The following TENM3 variants were observed in gnomAD, a reference collection of about 807,000 sequenced individuals.
The protein encoded by TENM3 is teneurin transmembrane protein 3.
Under a neutral mutation model 255.1 loss-of-function variants are expected in TENM3, and 63 were observed. That is an observed-to-expected ratio of 0.25 (90% CI 0.20 to 0.30). The LOEUF (loss-of-function observed/expected upper bound fraction) is 0.30, where lower values mean the gene tolerates loss of function less well. Ranked by LOEUF, TENM3 falls within the 10% of genes least tolerant of loss-of-function variation. TENM3 has a pLI of 1.00. For missense variants in TENM3, 2,929 were observed against 3,461.1 expected (o/e 0.85, Z 3.86); for synonymous variants, 1,306 against 1,322.3 (o/e 0.99, Z 0.27).
intron 3 of TENM3, among the ~76,000 whole-genome samples, chr4:182,470,563 C>T (rs1387365278): frequency 6.6e-6 from 1 of 152,090 alleles, no homozygotes; most frequent in Non-Finnish European, 1.5e-5. Context: ...TTAATGGCTG[C>T]TAAGAGAAGA....
intron 2 of TENM3, 21 bp from the exon 3 acceptor site, chr4:182,346,630 T>C (rs1235798970): frequency 3.1e-6 from 5 of 1,607,090 alleles, no homozygotes; most frequent in East Asian, 2.2e-5. Flanking sequence ...CTAGTTGTTA[T>C]CTTTTTTTCC....
Position 182,398,656 on chromosome 4 carries a change from C to T in TENM3, c.511+51727C>T, listed in dbSNP as rs77674566. Among the ~76,000 whole-genome samples the T allele has an allele frequency of 1.6e-4, 25 of 152,226 alleles. 1 individual carries two copies. The East Asian group carries it at 4.8e-3, about 29-fold the overall frequency. ...GCAGTGACTTGAAACAGGGGTGTTA[C>T]AGGCATGGAACGTGGAGGAAAGGCA... On this transcript the variant is annotated intron_variant, in intron 3 of 27. Coordinates refer to ENST00000511685, the MANE Select transcript of TENM3 (RefSeq NM_001080477.4).
chr4:181,683,696 A>C, the TENM3 span, among the ~76,000 whole-genome samples: 1 of 152,172 alleles, frequency 6.6e-6, no homozygotes, highest in East Asian at 1.9e-4. Context: ...AGGAGAGGCG[A>C]AGAGGGTATG....
At chr4:182,526,154 G>T (rs560823710) in intron 3 of TENM3, among the ~76,000 whole-genome samples, 1 of 152,188 alleles carries the variant, frequency 6.6e-6, no homozygotes, top group African/African-American at 2.4e-5. Flanking sequence ...TGATTTTTTT[G>T]TATTTTTAGT....
chr4:182,649,264 C>A (rs1426626751), intron 5 of TENM3, among the ~76,000 whole-genome samples: 1 of 150,414 alleles, frequency 6.6e-6, no homozygotes, highest in Non-Finnish European at 1.5e-5. Context: ...TGGACAACTT[C>A]TTATTATATT....
At chr4:181,612,884 A>G in the TENM3 span, among the ~76,000 whole-genome samples, 4 of 152,212 alleles carry the variant, frequency 2.6e-5, no homozygotes, top group South Asian at 2.1e-4. Context: ...CTATTTTCAT[A>G]CCAATTTGAG....
At chr4:181,970,393 A>G in the TENM3 span, among the ~76,000 whole-genome samples, 2 of 152,158 alleles carry the variant, frequency 1.3e-5, no homozygotes, top group African/African-American at 4.8e-5. Context: ...ATCATTGCCG[A>G]CCTTAGGATT....
chr4:182,252,120 T>A (rs2150120702), intron 1 of TENM3, among the ~76,000 whole-genome samples: 1 of 151,894 alleles, frequency 6.6e-6, no homozygotes, highest in South Asian at 2.1e-4. Context: ...GAGGTGGAGG[T>A]TGCAGTGAGT....
the TENM3 span, among the ~76,000 whole-genome samples, chr4:181,559,870 C>G: frequency 1.3e-5 from 2 of 152,170 alleles, no homozygotes; most frequent in Admixed American, 1.3e-4. Context: ...CATTGAGAAA[C>G]CACAGGCTTC....
At chr4:181,877,891 G>A in the TENM3 span, among the ~76,000 whole-genome samples, 2 of 152,316 alleles carry the variant, frequency 1.3e-5, no homozygotes, top group South Asian at 4.1e-4. Context: ...GATATGGATT[G>A]CCCAGACTAA....
the TENM3 span, among the ~76,000 whole-genome samples, chr4:181,551,346 C>T: frequency 6.6e-6 from 1 of 152,096 alleles, no homozygotes; most frequent in Non-Finnish European, 1.5e-5. Context: ...GAAATAAATG[C>T]ACAATTTGAG....
At chr4:182,711,940 A>T (rs1758776847) in intron 12 of TENM3, among the ~76,000 whole-genome samples, 1 of 152,084 alleles carries the variant, frequency 6.6e-6, no homozygotes, top group Admixed American at 6.6e-5. Context: ...ATTCAGCTTA[A>T]TGAGCTTTAA....
chr4:181,696,506 A>G, the TENM3 span, among the ~76,000 whole-genome samples: 2 of 152,224 alleles, frequency 1.3e-5, no homozygotes, highest in East Asian at 1.9e-4. Context: ...CTTTAATAGC[A>G]CCGCAGATTT....
chr4:181,775,130 G>A, the TENM3 span, among the ~76,000 whole-genome samples: 7 of 152,032 alleles, frequency 4.6e-5, no homozygotes, highest in Non-Finnish European at 7.4e-5. Context: ...GAAAGAGGCC[G>A]GGGCAGAGTC....
chr4:182,790,198 ATTCT>A (rs1278504193), intron 25 of TENM3, among the ~76,000 whole-genome samples: 5 of 152,302 alleles, frequency 3.3e-5, no homozygotes. Flanking sequence ...CTAGAAAATG[ATTCT>A]GTTTTGAGTT....
chr4:182,222,659 C>T (rs1485818720), intron 1 of TENM3, among the ~76,000 whole-genome samples: 1 of 152,182 alleles, frequency 6.6e-6, no homozygotes, highest in African/African-American at 2.4e-5. Context: ...GCTGGCTTTC[C>T]ATTTCAGGGC....
At chr4:181,854,856 C>T in the TENM3 span, among the ~76,000 whole-genome samples, 11 of 152,202 alleles carry the variant, frequency 7.2e-5, no homozygotes, top group South Asian at 2.1e-4. Context: ...CCCAAAAGGC[C>T]GCCTTCTCAG....
the TENM3 span, among the ~76,000 whole-genome samples, chr4:181,891,818 T>A: frequency 1.3e-5 from 2 of 152,200 alleles, no homozygotes; most frequent in African/African-American, 4.8e-5. Context: ...AGGATCTGAA[T>A]GTGTACCCTC....
At chr4:182,758,855 A>G (rs1377732650) in intron 22 of TENM3, among the ~76,000 whole-genome samples, 1 of 152,214 alleles carries the variant, frequency 6.6e-6, no homozygotes, top group African/African-American at 2.4e-5. Flanking sequence ...TTGAGCTCTG[A>G]TAACAGGCTC....
Sources: gnomAD v4.1 joint callset for allele counts (sites outside exome capture counted in the v4.1 genomes callset) on GRCh38, gnomAD v4.1.1 for gene constraint, MANE v1.5 for transcripts, NCBI Gene and HGNC (gene_info 2026-07-23, HGNC 2026-07-21) for gene names.